Variants in KIAA1549 observed in about 807,000 individuals in gnomAD.
The protein encoded by KIAA1549 is KIAA1549.
Under a neutral mutation model 156.4 loss-of-function variants are expected in KIAA1549, and 70 were observed. The observed-to-expected ratio is 0.45, with a 90% CI of 0.37 to 0.55. KIAA1549 has a LOEUF of 0.55. KIAA1549 is among the 20% of genes least tolerant of loss of function. The probability of loss-of-function intolerance (pLI) is 0.00; values close to 1 mark genes in which losing one functional copy is unlikely to be tolerated. For missense variants in KIAA1549, 2,428 were observed against 2,540.9 expected, an observed-to-expected ratio of 0.96 and a Z score of 0.96; for synonymous variants, 1,103 against 1,066.4, an observed-to-expected ratio of 1.03 and a Z score of -0.67.
At chr7:138,885,755 A>C (rs1811372865) in intron 10 of KIAA1549, among the ~76,000 whole-genome samples, 2 of 152,294 alleles carry the variant, frequency 1.3e-5, no homozygotes, top group Non-Finnish European at 1.5e-5. Flanking sequence ...TAAACTGGTA[A>C]ACAAAAGTAA....
intron 15 of KIAA1549, among the ~76,000 whole-genome samples, chr7:138,861,923 G>T (rs1420851054): frequency 6.6e-6 from 1 of 152,044 alleles, no homozygotes; most frequent in African/African-American, 2.4e-5. Context: ...TCATGCGAAG[G>T]AGAGGGGAGG....
At chr7:138,883,116 A>AAAAAAAAAC (rs1563061952) in intron 10 of KIAA1549, among the ~76,000 whole-genome samples, 1 of 124,338 alleles carries the variant, frequency 8.0e-6, no homozygotes, top group African/African-American at 3.1e-5. Flanking sequence ...AAAAAAAAAA[A>AAAAAAAAAC]ATTCAGCCAG....
At chr7:138,888,030 C>T (rs1164070996) in intron 10 of KIAA1549, among the ~76,000 whole-genome samples, 2 of 152,212 alleles carry the variant, frequency 1.3e-5, no homozygotes, top group Admixed American at 6.5e-5. Flanking sequence ...GGGACAAACT[C>T]ATGGCAGGGC....
At chr7:138,954,211 C>T (rs981385024) in intron 1 of KIAA1549, among the ~76,000 whole-genome samples, 1 of 152,150 alleles carries the variant, frequency 6.6e-6, no homozygotes, top group African/African-American at 2.4e-5. Context: ...CAATTTAATT[C>T]TATTGGTAAA....
At chr7:138,943,549 A>G (rs768579038) in intron 1 of KIAA1549, among the ~76,000 whole-genome samples, 1 of 152,226 alleles carries the variant, frequency 6.6e-6, no homozygotes, top group Non-Finnish European at 1.5e-5. Flanking sequence ...AATCAAGCTA[A>G]TTAACAAATG....
rs551224681 is a variant in KIAA1549 at position 138,915,395 on chromosome 7, AG to A, written c.2878+1352del. On this transcript the variant is annotated intron_variant, in intron 2 of 19. Coordinates refer to ENST00000422774, the MANE Select transcript of KIAA1549 (RefSeq NM_001164665.2). ...CTTCCAGAAGCACCTCACACATACT[AG>A]GTGCTCAATCATTACTTGCCATGTG... 5.3e-4 allele frequency among the ~76,000 whole-genome samples: 81 copies of A among 152,092 alleles called. 1 individual carries two copies. Among genetic ancestry groups the A allele is most frequent in the African/African-American group, 1.8e-3 (74 of 41,440 alleles).
At chr7:138,900,137 C>T (rs1811800753) in intron 8 of KIAA1549, among the ~76,000 whole-genome samples, 1 of 152,186 alleles carries the variant, frequency 6.6e-6, no homozygotes, top group Middle Eastern at 3.2e-3. Flanking sequence ...TAACACTGCC[C>T]TGTGCTCTGG....
chr7:138,924,195 CT>C (rs747004102), intron 1 of KIAA1549, among the ~76,000 whole-genome samples: 3,395 of 132,744 alleles, frequency 0.026, 52 homozygotes, highest in Admixed American at 0.043. Context: ...TTTTTTTTTT[CT>C]TTTTTTTTTT....
At chr7:138,843,020 G>A (rs1809968040) in intron 18 of KIAA1549, among the ~76,000 whole-genome samples, 1 of 152,148 alleles carries the variant, frequency 6.6e-6, no homozygotes, top group African/African-American at 2.4e-5. Flanking sequence ...GGCTCTGTAA[G>A]TCCTACCGCC....
At chr7:138,849,545 G>A (rs1810175858) in intron 17 of KIAA1549, among the ~76,000 whole-genome samples, 1 of 151,816 alleles carries the variant, frequency 6.6e-6, no homozygotes, top group South Asian at 2.1e-4. Context: ...CAAACACATA[G>A]AAATTTTCTT....
At chr7:138,896,877 A>G (rs1012824896) in intron 9 of KIAA1549, among the ~76,000 whole-genome samples, 2 of 152,140 alleles carry the variant, frequency 1.3e-5, no homozygotes, top group African/African-American at 4.8e-5. Flanking sequence ...CTGAGATTAC[A>G]GGTGTGAGCC....
chr7:138,919,078 G>C lies in KIAA1549; in HGVS notation c.548C>G (p.Pro183Arg), dbSNP rs760314799. Reference protein sequence around the residue: ...SPIQYITVSPPGLPREALEPM... With the variant: ...SPIQYITVSPRGLPREALEPM... ...TTCTAATGCTTCCCTGGGCAGCCCT[G>C]GTGGGCTGACTGTGATATACTGTAT... The change falls in exon 2 of 20, where the codon CCA (proline) becomes CGA (arginine). Residue 183 changes from proline (P) to arginine (R), a missense_variant. By Grantham distance (103) the Pro-to-Arg change is moderately radical. This residue lies in a region of KIAA1549 where 893 missense variants were observed against 847.9 expected (regional missense o/e 1.05). Transcript: ENST00000422774. The C allele has an allele frequency of 3.1e-6, 5 of 1,613,802 alleles. No homozygotes were observed. The South Asian group carries it at 4.4e-5, about 14-fold the overall frequency.
intron 1 of KIAA1549, among the ~76,000 whole-genome samples, chr7:138,940,637 TA>T (rs1271806989): frequency 6.6e-6 from 1 of 152,084 alleles, no homozygotes; most frequent in Non-Finnish European, 1.5e-5. Context: ...AACAACAGTG[TA>T]AAAGTGTTCC....
At chr7:138,876,746 T>C (rs1438474760) in intron 12 of KIAA1549, among the ~76,000 whole-genome samples, 1 of 152,216 alleles carries the variant, frequency 6.6e-6, no homozygotes, top group East Asian at 1.9e-4. Flanking sequence ...CTTCACATCT[T>C]CACTAAGGGG....
At chr7:138,906,265 T>C (rs541994767) in intron 6 of KIAA1549, among the ~76,000 whole-genome samples, 1 of 152,338 alleles carries the variant, frequency 6.6e-6, no homozygotes, top group South Asian at 2.1e-4. Context: ...CATTACACAT[T>C]TGTTCAAACC....
In KIAA1549 at chr7:138,918,429, G is replaced by A. The variant is rs937611877; in HGVS notation, c.1197C>T (p.Leu399=). 3 of 1,613,904 alleles carry A rather than the reference G, an allele frequency of 1.9e-6. No individual in the cohort carries two copies. The highest frequency in any genetic ancestry group is 1.3e-5 in the African/African-American group (1 of 74,932). The change falls in exon 2 of 20, where the codon CTC becomes CTT. Residue 399 remains leucine, a synonymous_variant. Coordinates refer to ENST00000422774, the MANE Select transcript of KIAA1549 (RefSeq NM_001164665.2). This position sits in a 1 kb window ranked among gnomAD's most constrained non-coding sequence, Gnocchi z 4.2. The stretch of plus-strand genomic sequence containing the variant: ...TATGAGTGTTGTCCACAGGACCGGG[G>A]AGGGCTGAATTGCTATGCAATTCGG... ...KTSELHSNSA[L]PGPVDNTHIL...
chr7:138,903,848 TGTGTGCGCGCGC>T lies in KIAA1549; in HGVS notation c.3521-124_3521-113del, dbSNP rs1189227305. ...GTGTGTGTGTGTGTGTGTGTGTGTG[TGTGTGCGCGCGC>T]GCGCGCGCGCACATATGTATTTGAA... On this transcript the variant is annotated intron_variant, in intron 7 of 19. Transcript: ENST00000422774. 5 of 341,158 alleles carry T rather than the reference TGTGTGCGCGCGC, an allele frequency of 1.5e-5. No homozygotes were observed. In the East Asian group the frequency reaches 2.8e-4, roughly 19 times the overall value. 21.1% of individuals were successfully genotyped at this position (341,158 alleles called of 1,614,324 possible).
chr7:138,977,655 A>AACAC lies in KIAA1549; in HGVS notation c.187+3424_187+3427dup, dbSNP rs10625706. 4.1e-3 allele frequency among the ~76,000 whole-genome samples: 602 copies of AACAC among 146,910 alleles called. 1 individual carries two copies. Among genetic ancestry groups the AACAC allele is most frequent in the Admixed American group, 7.9e-3 (116 of 14,754 alleles). On this transcript the variant is annotated intron_variant, in intron 1 of 19. Coordinates refer to ENST00000422774, the MANE Select transcript of KIAA1549 (RefSeq NM_001164665.2). Reference sequence around the variant, plus strand: ...CCTTCCACAAATGTATACTCAAGAAAACACACACACACACACACACACACA... The same window carrying AACAC: ...CCTTCCACAAATGTATACTCAAGAAAACACACACACACACACACACACACACACA...
At chr7:138,875,576 T>C (rs1811061451) in intron 12 of KIAA1549, among the ~76,000 whole-genome samples, 2 of 151,628 alleles carry the variant, frequency 1.3e-5, no homozygotes, top group East Asian at 2.0e-4. Context: ...GCCCAGGAGG[T>C]CAAGGCTGCA....
Sources: allele counts gnomAD v4.1 joint callset (sites outside exome capture counted in the v4.1 genomes callset), GRCh38; gene constraint gnomAD v4.1.1; regional missense constraint gnomAD v4.1.1; non-coding constraint Gnocchi (gnomAD v3.1); transcripts MANE v1.5; gene names NCBI Gene and HGNC (gene_info 2026-07-23, HGNC 2026-07-21).